Variants in LTBP1 observed in about 807,000 individuals in gnomAD.
LTBP1 encodes the protein latent-transforming growth factor beta-binding protein 1.
Under a neutral mutation model 207.6 loss-of-function variants are expected in LTBP1, and 129 were observed. The ratio of observed to expected loss-of-function variants is 0.62; its 90% CI spans 0.54 to 0.72. The LOEUF (loss-of-function observed/expected upper bound fraction) is 0.72, where lower values mean the gene tolerates loss of function less well. Among genes scored for constraint, LTBP1 ranks in the 30% least tolerant of loss-of-function variants. LTBP1 has a pLI of 0.00. For synonymous variants in LTBP1, 963 were observed against 833.7 expected (o/e 1.16, Z -2.67); for missense variants, 2,281 against 2,217.2 (o/e 1.03, Z -0.58).
At chr2:32,952,840 G>A (rs1311554193) in intron 2 of LTBP1, among the ~76,000 whole-genome samples, 1 of 152,224 alleles carries the variant, frequency 6.6e-6, no homozygotes, top group Non-Finnish European at 1.5e-5. Context: ...GGCTGGCAGG[G>A]TTATGGGGTA....
At chr2:33,247,273 T>C (rs987247731) in intron 10 of LTBP1, among the ~76,000 whole-genome samples, 61 of 152,210 alleles carry the variant, frequency 4.0e-4, no homozygotes. Context: ...CATCATTCAT[T>C]TGTAATTTCC....
At chr2:33,336,588 C>G (rs2094555949) in intron 24 of LTBP1, among the ~76,000 whole-genome samples, 1 of 152,204 alleles carries the variant, frequency 6.6e-6, no homozygotes, top group Non-Finnish European at 1.5e-5. Flanking sequence ...CTCTCAGTAG[C>G]TTTGGAGATT....
At chr2:33,219,445 C>A (rs1409731888) in intron 8 of LTBP1, among the ~76,000 whole-genome samples, 1 of 152,148 alleles carries the variant, frequency 6.6e-6, no homozygotes, top group East Asian at 1.9e-4. Flanking sequence ...GTTAGGTAGC[C>A]CTGAGTTCGA....
intron 22 of LTBP1, among the ~76,000 whole-genome samples, chr2:33,306,813 G>A (rs2094104155): frequency 6.6e-6 from 1 of 152,054 alleles, no homozygotes; most frequent in African/African-American, 2.4e-5. Flanking sequence ...TTGTCAGTCG[G>A]GTGCAGTGGC....
chr2:33,082,431 ACTTTTTTTTTTTTTTT>A lies in LTBP1; in HGVS notation c.864-28150_864-28135del, dbSNP rs1254087729. ...GTTAACCGTGGCTAAAGTATGACTC[ACTTTTTTTTTTTTTTT>A]TTTTTTTTTTTTTTTTTTTGAGAAG... On this transcript the variant is annotated intron_variant, in intron 3 of 33. Coordinates refer to ENST00000404816, the MANE Select transcript of LTBP1 (RefSeq NM_206943.4). Among the ~76,000 whole-genome samples the A allele has an allele frequency of 1.3e-4, 15 of 116,038 alleles. No homozygotes were observed. In the South Asian group the frequency reaches 1.4e-3, roughly 11 times the overall value. 76.1% of individuals were successfully genotyped at this position (116,038 alleles called of 152,430 possible).
chr2:33,010,894 A>G (rs1687589508), intron 2 of LTBP1, among the ~76,000 whole-genome samples: 1 of 151,614 alleles, frequency 6.6e-6, no homozygotes, highest in Non-Finnish European at 1.5e-5. Context: ...TAATTTTTGT[A>G]TTTTTAGTAG....
chr2:33,032,957 A>C (rs1055764603), intron 3 of LTBP1, among the ~76,000 whole-genome samples: 41 of 152,236 alleles, frequency 2.7e-4, no homozygotes, highest in African/African-American at 8.9e-4. Context: ...TAGGATGTTC[A>C]TAAAAAACAA....
At chr2:32,981,688 C>T (rs1408147264) in intron 2 of LTBP1, among the ~76,000 whole-genome samples, 1 of 152,168 alleles carries the variant, frequency 6.6e-6, no homozygotes, top group Non-Finnish European at 1.5e-5. Flanking sequence ...TCCCATGTGT[C>T]ATGAGAGGGA....
chr2:33,247,985 CTT>C (rs1244936219), intron 10 of LTBP1, among the ~76,000 whole-genome samples: 1 of 152,212 alleles, frequency 6.6e-6, no homozygotes, highest in Non-Finnish European at 1.5e-5. Context: ...ATCTTGGACT[CTT>C]TTGTATCTTT....
intron 3 of LTBP1, among the ~76,000 whole-genome samples, chr2:33,098,815 A>G (rs1248652727): frequency 6.6e-6 from 1 of 152,190 alleles, no homozygotes; most frequent in East Asian, 1.9e-4. Context: ...TAGAAATTCC[A>G]ATGCAAAGTA....
intron 20 of LTBP1, among the ~76,000 whole-genome samples, chr2:33,294,702 C>A (rs936535167): frequency 6.6e-6 from 1 of 151,526 alleles, no homozygotes; most frequent in African/African-American, 2.4e-5. Context: ...CCTCAGCCGC[C>A]TGAGTAGCTG....
intron 5 of LTBP1, among the ~76,000 whole-genome samples, chr2:33,181,806 G>A (rs947900587): frequency 2.0e-5 from 3 of 152,144 alleles, no homozygotes; most frequent in African/African-American, 7.2e-5. Context: ...TCCTCTTGAT[G>A]TTCTGAGGTT....
intron 13 of LTBP1, among the ~76,000 whole-genome samples, chr2:33,262,070 T>C (rs760673575): frequency 6.6e-6 from 1 of 152,180 alleles, no homozygotes; most frequent in Non-Finnish European, 1.5e-5. Context: ...GATGGACTGC[T>C]TCTTTGCTTG....
At chr2:33,077,363 T>C (rs1333591181) in intron 3 of LTBP1, among the ~76,000 whole-genome samples, 2 of 152,192 alleles carry the variant, frequency 1.3e-5, no homozygotes, top group Admixed American at 6.5e-5. Flanking sequence ...AGAGACTGGG[T>C]AATTTACAAA....
At chr2:33,236,997 GTGGA>G (rs2092082215) in intron 9 of LTBP1, among the ~76,000 whole-genome samples, 1 of 152,178 alleles carries the variant, frequency 6.6e-6, no homozygotes, top group Admixed American at 6.5e-5. Flanking sequence ...CCATCCTATG[GTGGA>G]TGGTCATTTT....
At chr2:33,135,119 G>A (rs939952586) in intron 5 of LTBP1, among the ~76,000 whole-genome samples, 159 bp downstream of exon 5, 2 of 152,100 alleles carry the variant, frequency 1.3e-5, no homozygotes, top group Admixed American at 1.3e-4. Context: ...AATTGCTTTT[G>A]GAATAATTTT....
At chr2:32,996,717 T>A (rs888784025) in intron 2 of LTBP1, among the ~76,000 whole-genome samples, 1 of 152,102 alleles carries the variant, frequency 6.6e-6, no homozygotes, top group Non-Finnish European at 1.5e-5. Flanking sequence ...TCACCCACAT[T>A]ACACAGATCA....
intron 13 of LTBP1, among the ~76,000 whole-genome samples, chr2:33,262,362 A>G (rs1041430686): frequency 4.6e-5 from 7 of 152,208 alleles, no homozygotes; most frequent in East Asian, 1.9e-4. Context: ...GAATGAGGCA[A>G]TAGTCCTCGT....
intron 8 of LTBP1, among the ~76,000 whole-genome samples, chr2:33,219,526 G>A (rs6543701): frequency 0.98 from 149,808 of 152,268 alleles, 73,707 homozygotes; most frequent in East Asian, 1. Context: ...AAACGTTGAA[G>A]AGGCGTTGCC....
Sources: gnomAD v4.1 joint callset for allele counts (sites outside exome capture counted in the v4.1 genomes callset) on GRCh38, gnomAD v4.1.1 for gene constraint, MANE v1.5 for transcripts, NCBI Gene and HGNC (gene_info 2026-07-23, HGNC 2026-07-21) for gene names.